The following ARHGAP10 variants were observed in gnomAD, a reference collection of about 807,000 sequenced individuals.
ARHGAP10 encodes Rho GTPase activating protein 10, also known as rho GTPase-activating protein 10.
In ARHGAP10, 87 loss-of-function variants were observed where a neutral mutation model predicts 108.6. The ratio of observed to expected loss-of-function variants is 0.80; its 90% CI spans 0.67 to 0.96. The LOEUF is 0.96. Ranked by LOEUF, ARHGAP10 falls within the 40% of genes least tolerant of loss-of-function variation. The probability of loss-of-function intolerance (pLI) is 0.00; values close to 1 mark genes in which losing one functional copy is unlikely to be tolerated. For synonymous variants in ARHGAP10, 347 were observed against 341.1 expected (o/e 1.02, Z -0.19); for missense variants, 939 against 954.5 (o/e 0.98, Z 0.21).
At chr4:147,858,026 T>C (rs1382404062) in intron 5 of ARHGAP10, 1 of 152,698 alleles carries the variant, frequency 6.5e-6, no homozygotes, top group Non-Finnish European at 1.5e-5. Flanking sequence ...CATATACCAT[T>C]ATGCGTTTAT....
At chr4:148,050,974 G>A (rs182534061) in intron 20 of ARHGAP10, among the ~76,000 whole-genome samples, 2 of 152,302 alleles carry the variant, frequency 1.3e-5, no homozygotes, top group East Asian at 3.9e-4. Flanking sequence ...AGGTCCTAAG[G>A]AATGGAGTCC....
chr4:147,747,330 G>T (rs1728971646), intron 1 of ARHGAP10, among the ~76,000 whole-genome samples: 1 of 152,198 alleles, frequency 6.6e-6, no homozygotes, highest in Admixed American at 6.5e-5. Context: ...AATAGAAATT[G>T]TAAGAGTTAA....
At chr4:147,949,271 A>G (rs942157049) in intron 15 of ARHGAP10, among the ~76,000 whole-genome samples, 6 of 152,222 alleles carry the variant, frequency 3.9e-5, no homozygotes, top group Admixed American at 2.0e-4. Flanking sequence ...TGTGGTTTAG[A>G]TGAGGATTAT....
intron 22 of ARHGAP10, among the ~76,000 whole-genome samples, chr4:148,070,958 A>G (rs999870106): frequency 6.6e-6 from 1 of 152,122 alleles, no homozygotes; most frequent in African/African-American, 2.4e-5. Context: ...CCAGGCTGCA[A>G]TTTTCTCGTT....
At chr4:147,806,893 T>C (rs2126766940) in intron 1 of ARHGAP10, among the ~76,000 whole-genome samples, 1 of 152,276 alleles carries the variant, frequency 6.6e-6, no homozygotes, top group Middle Eastern at 3.4e-3. Context: ...TGAATAGCAT[T>C]GCCTGTAGGT....
chr4:147,747,575 C>T (rs375501399), intron 1 of ARHGAP10, among the ~76,000 whole-genome samples: 1 of 152,144 alleles, frequency 6.6e-6, no homozygotes, highest in African/African-American at 2.4e-5. Context: ...TGGAGACCTT[C>T]AGATGCTTCA....
At chr4:148,071,946 A>G in intron 22 of ARHGAP10, 47 bp from the exon 23 acceptor site, 1 of 1,545,614 alleles carries the variant, frequency 6.5e-7, no homozygotes. Flanking sequence ...CCAGGAGGCA[A>G]GTACTTGGGG....
intron 10 of ARHGAP10, among the ~76,000 whole-genome samples, chr4:147,894,239 G>C (rs1398221130): frequency 6.6e-6 from 1 of 152,128 alleles, no homozygotes; most frequent in Non-Finnish European, 1.5e-5. Context: ...GTGTATGAGA[G>C]TTCTATTTGC....
At chr4:147,778,358 G>A (rs977606095) in intron 1 of ARHGAP10, among the ~76,000 whole-genome samples, 14 of 152,126 alleles carry the variant, frequency 9.2e-5, no homozygotes, top group African/African-American at 3.4e-4. Context: ...TGTTTACAGT[G>A]TGCTACAACT....
At chr4:147,991,846 T>G (rs2149636598) in intron 18 of ARHGAP10, among the ~76,000 whole-genome samples, 1 of 152,284 alleles carries the variant, frequency 6.6e-6, no homozygotes, top group East Asian at 1.9e-4. Flanking sequence ...AGTGAGGAAC[T>G]TAGGAGCAGG....
At chr4:148,060,419 G>A (rs1729566270) in intron 20 of ARHGAP10, among the ~76,000 whole-genome samples, 1 of 149,958 alleles carries the variant, frequency 6.7e-6, no homozygotes. Flanking sequence ...GTGAAACATG[G>A]CATCATCTGA....
At chr4:147,847,498 T>C (rs970323710) in intron 4 of ARHGAP10, among the ~76,000 whole-genome samples, 1 of 152,246 alleles carries the variant, frequency 6.6e-6, no homozygotes, top group Non-Finnish European at 1.5e-5. Flanking sequence ...TTGCTCTGAA[T>C]AGAAGGAGCT....
intron 18 of ARHGAP10, among the ~76,000 whole-genome samples, chr4:148,005,982 A>G (rs960264927): frequency 3.3e-5 from 5 of 152,106 alleles, no homozygotes; most frequent in Non-Finnish European, 5.9e-5. Context: ...TTTCTTTCAC[A>G]CTCCTTCCGC....
At chr4:147,827,647 A>C (rs1732769258) in intron 3 of ARHGAP10, among the ~76,000 whole-genome samples, 1 of 152,206 alleles carries the variant, frequency 6.6e-6, no homozygotes. Flanking sequence ...AGAACTTTGA[A>C]AGACTCTTGT....
chr4:148,063,835 A>G (rs1031627161), intron 21 of ARHGAP10, among the ~76,000 whole-genome samples: 1 of 152,168 alleles, frequency 6.6e-6, no homozygotes, highest in Non-Finnish European at 1.5e-5. Context: ...CGTCCTTTCC[A>G]TGAACGGACA....
At chr4:147,760,555 A>G (rs903544775) in intron 1 of ARHGAP10, among the ~76,000 whole-genome samples, 1 of 152,120 alleles carries the variant, frequency 6.6e-6, no homozygotes, top group Non-Finnish European at 1.5e-5. Flanking sequence ...CCTTCAACAT[A>G]AAGGGTTTGT....
intron 18 of ARHGAP10, among the ~76,000 whole-genome samples, chr4:148,001,277 C>G (rs1740708276): frequency 6.6e-6 from 1 of 152,154 alleles, no homozygotes; most frequent in Non-Finnish European, 1.5e-5. Flanking sequence ...GTCTGTATCT[C>G]TGTTTTGGTA....
intron 1 of ARHGAP10, among the ~76,000 whole-genome samples, chr4:147,767,878 TAA>T (rs1729898840): frequency 2.0e-5 from 3 of 152,190 alleles, no homozygotes; most frequent in Non-Finnish European, 2.9e-5. Flanking sequence ...GAATAGCTCT[TAA>T]ATAACAGGAC....
At chr4:147,811,583 C>CT (rs66576812) in intron 1 of ARHGAP10, among the ~76,000 whole-genome samples, 58 of 148,552 alleles carry the variant, frequency 3.9e-4, no homozygotes, top group African/African-American at 1.4e-3. Flanking sequence ...TATGCAATGG[C>CT]TTTTTTTAAA....
Sources: gnomAD v4.1 joint callset for allele counts (sites outside exome capture counted in the v4.1 genomes callset) on GRCh38, gnomAD v4.1.1 for gene constraint, MANE v1.5 for transcripts, NCBI Gene and HGNC (gene_info 2026-07-23, HGNC 2026-07-21) for gene names.